The following ERICH1 variants were observed in gnomAD, a reference collection of about 807,000 sequenced individuals.
The protein encoded by ERICH1 is glutamate-rich protein 1.
Under a neutral mutation model 39.6 loss-of-function variants are expected in ERICH1, and 56 were observed. The observed-to-expected ratio is 1.41, with a 90% CI of 1.14 to 1.77. The LOEUF (loss-of-function observed/expected upper bound fraction) is 1.77. Among genes scored for constraint, ERICH1 ranks in the 40% most tolerant of loss-of-function variants. The pLI is 0.00. For missense variants in ERICH1, 826 were observed against 575.4 expected (o/e 1.44, Z -4.45); for synonymous variants, 313 against 223.6 (o/e 1.40, Z -3.57).
At chr8:621,197 G>A (rs1015404021) in intron 3 of ERICH1, among the ~76,000 whole-genome samples, 1 of 151,798 alleles carries the variant, frequency 6.6e-6, no homozygotes, top group Non-Finnish European at 1.5e-5. Context: ...AATTACAAGG[G>A]AAATTAGAAA....
chr8:693,126 GACAC>G (rs1379186599), intron 2 of ERICH1, among the ~76,000 whole-genome samples: 1 of 151,218 alleles, frequency 6.6e-6, no homozygotes, highest in East Asian at 2.0e-4. Flanking sequence ...AACACACAGA[GACAC>G]ACACAGATAC....
intron 1 of ERICH1, among the ~76,000 whole-genome samples, chr8:721,144 T>A (rs1439000777): frequency 1.3e-5 from 2 of 152,228 alleles, no homozygotes; most frequent in African/African-American, 2.4e-5. Flanking sequence ...AGAATTATAA[T>A]AAATTTTAAC....
intron 3 of ERICH1, among the ~76,000 whole-genome samples, chr8:678,850 C>T (rs1417620310): frequency 6.6e-6 from 1 of 152,154 alleles, no homozygotes; most frequent in East Asian, 1.9e-4. Context: ...ATACCCGTTT[C>T]CAGATAGCAG....
chr8:649,804 G>A (rs1044977668), intron 3 of ERICH1, among the ~76,000 whole-genome samples: 1 of 152,196 alleles, frequency 6.6e-6, no homozygotes, highest in Non-Finnish European at 1.5e-5. Flanking sequence ...CAGGGCGGAC[G>A]GCGTATCAGA....
chr8:683,028 G>C (rs142268233), intron 3 of ERICH1, among the ~76,000 whole-genome samples: 1 of 152,322 alleles, frequency 6.6e-6, no homozygotes, highest in African/African-American at 2.4e-5. Flanking sequence ...TGAGTGTGTT[G>C]TTTGCCTAAA....
rs542318867 is a variant in ERICH1, at chr8:668,469, C to G, written c.1258+129G>C. ...GCCTGTTTCTCTCTGGGACTCTATT[C>G]TCCCATGCCATATGTGCAGTGTCAT... On this transcript the variant is annotated intron_variant, in intron 5 of 5. Transcript: ENST00000262109. The G allele has an allele frequency of 1.6e-5, 14 of 853,166 alleles. No homozygotes were observed. The East Asian group carries it at 3.6e-4, about 22-fold the overall frequency. The allele number at this position is 853,166 out of a possible 1,614,324, so 52.8% of individuals were successfully genotyped here. A position where few individuals can be genotyped will look rare whatever the true frequency, so the allele number is the denominator to read the frequency against.
chr8:623,304 T>C (rs948948129), intron 3 of ERICH1, among the ~76,000 whole-genome samples: 1 of 152,150 alleles, frequency 6.6e-6, no homozygotes, highest in African/African-American at 2.4e-5. Context: ...GGCTTCCCAA[T>C]AGACGCAGGA....
At chr8:680,573 C>T (rs1805887623) in intron 3 of ERICH1, among the ~76,000 whole-genome samples, 1 of 149,742 alleles carries the variant, frequency 6.7e-6, no homozygotes, top group African/African-American at 2.5e-5. Flanking sequence ...CACCCCTCCC[C>T]CGAAAACACG....
intron 3 of ERICH1, among the ~76,000 whole-genome samples, chr8:652,209 G>A (rs556827307): frequency 5.5e-5 from 8 of 144,956 alleles, no homozygotes; most frequent in Admixed American, 4.0e-4. Context: ...TCCGACGCCT[G>A]AAGACCTTAC....
intron 2 of ERICH1, among the ~76,000 whole-genome samples, chr8:699,709 C>T (rs540078403): frequency 6.8e-6 from 1 of 147,200 alleles, no homozygotes; most frequent in Non-Finnish European, 1.5e-5. Flanking sequence ...GCGCACAGAC[C>T]CGCACACGTG....
intron 3 of ERICH1, among the ~76,000 whole-genome samples, chr8:640,189 A>C (rs558848505): frequency 3.3e-5 from 5 of 152,288 alleles, no homozygotes; most frequent in African/African-American, 1.2e-4. Context: ...CGCCTAATCA[A>C]AGGACCCCTA....
intron 2 of ERICH1, among the ~76,000 whole-genome samples, chr8:705,257 C>A (rs938952754): frequency 6.6e-6 from 1 of 152,244 alleles, no homozygotes; most frequent in Admixed American, 6.5e-5. Context: ...CCTCACAGAG[C>A]GCCACTCGGC....
intron 3 of ERICH1, among the ~76,000 whole-genome samples, chr8:620,181 G>A (rs1057357561): frequency 6.6e-5 from 10 of 151,810 alleles, no homozygotes; most frequent in East Asian, 1.9e-4. Flanking sequence ...GCGTGGTGGC[G>A]CACACCTGTA....
intron 3 of ERICH1, among the ~76,000 whole-genome samples, chr8:634,041 C>T (rs1328192415): frequency 6.6e-6 from 1 of 151,546 alleles, no homozygotes; most frequent in Non-Finnish European, 1.5e-5. Context: ...TGCGTGGAAA[C>T]AAAAACATTT....
intron 3 of ERICH1, among the ~76,000 whole-genome samples, chr8:681,426 T>C (rs1806092049): frequency 6.6e-6 from 1 of 152,236 alleles, no homozygotes; most frequent in African/African-American, 2.4e-5. Flanking sequence ...ATTTGGCAAC[T>C]GAGAGAAAAA....
chr8:641,962 T>C (rs1263440046), intron 3 of ERICH1, among the ~76,000 whole-genome samples: 2 of 152,184 alleles, frequency 1.3e-5, no homozygotes. Context: ...ATCTATTAAA[T>C]TGTTAAAGAA....
chr8:692,245 C>T (rs1429620885), intron 3 of ERICH1, among the ~76,000 whole-genome samples: 1 of 152,198 alleles, frequency 6.6e-6, no homozygotes, highest in Non-Finnish European at 1.5e-5. Context: ...CATATTCCCA[C>T]TTTCAATCTC....
intron 3 of ERICH1, among the ~76,000 whole-genome samples, chr8:632,064 A>G (rs1453015078): frequency 1.3e-5 from 2 of 152,150 alleles, no homozygotes; most frequent in African/African-American, 4.8e-5. Flanking sequence ...TCCCCAGGAC[A>G]CAGGCTCTAC....
chr8:683,077 C>T (rs1806493956), intron 3 of ERICH1, among the ~76,000 whole-genome samples: 1 of 152,138 alleles, frequency 6.6e-6, no homozygotes, highest in African/African-American at 2.4e-5. Flanking sequence ...ATAGATTGTA[C>T]TCATTTAGCC....
Sources: gnomAD v4.1 joint callset for allele counts (sites outside exome capture counted in the v4.1 genomes callset) on GRCh38, gnomAD v4.1.1 for gene constraint, MANE v1.5 for transcripts, NCBI Gene and HGNC (gene_info 2026-07-23, HGNC 2026-07-21) for gene names.